Variants in CPNE4 observed in about 807,000 individuals in gnomAD.
CPNE4 encodes the protein copine-4.
CPNE4 carries 25 observed loss-of-function variants against 67.9 expected under a neutral mutation model. The observed-to-expected ratio is 0.37, with a 90% CI of 0.27 to 0.51. CPNE4 has a LOEUF of 0.51. Among genes scored for constraint, CPNE4 ranks in the 20% least tolerant of loss-of-function variants. The pLI is 0.93. For synonymous variants in CPNE4, 242 were observed against 244.9 expected, an observed-to-expected ratio of 0.99 and a Z score of 0.11; for missense variants, 464 against 690.8, an observed-to-expected ratio of 0.67 and a Z score of 3.68.
chr3:131,974,637 C>T (rs1158779292), intron 1 of CPNE4, among the ~76,000 whole-genome samples: 2 of 152,148 alleles, frequency 1.3e-5, no homozygotes, highest in African/African-American at 4.8e-5. Context: ...TCCCTGCCTC[C>T]CATACTCTGT....
At chr3:131,898,400 G>A (rs774138210) in intron 2 of CPNE4, among the ~76,000 whole-genome samples, 21 of 152,178 alleles carry the variant, frequency 1.4e-4, no homozygotes, top group Non-Finnish European at 2.9e-4. Context: ...ATGGGAGTAA[G>A]GCTAATGTCA....
chr3:131,565,996 T>C (rs2107667805), intron 10 of CPNE4, among the ~76,000 whole-genome samples: 1 of 152,076 alleles, frequency 6.6e-6, no homozygotes, highest in African/African-American at 2.4e-5. Flanking sequence ...ATGATATTAC[T>C]CCATTTTCAT....
intron 5 of CPNE4, among the ~76,000 whole-genome samples, chr3:131,691,091 T>C (rs1441483914): frequency 2.6e-5 from 4 of 152,140 alleles, no homozygotes; most frequent in African/African-American, 9.7e-5. Flanking sequence ...AGGAAACACT[T>C]ATATACTGTT....
At chr3:131,891,919 C>T (rs886701366) in intron 2 of CPNE4, among the ~76,000 whole-genome samples, 2 of 152,016 alleles carry the variant, frequency 1.3e-5, no homozygotes, top group Non-Finnish European at 2.9e-5. Flanking sequence ...CAAAAACAAC[C>T]AATAAACAAC....
At chr3:131,619,859 G>A (rs1381333890) in intron 7 of CPNE4, among the ~76,000 whole-genome samples, 1 of 152,144 alleles carries the variant, frequency 6.6e-6, no homozygotes, top group Non-Finnish European at 1.5e-5. Context: ...GTGTCACACT[G>A]CCTTGAGAAA....
chr3:131,808,024 T>C (rs923242158), intron 2 of CPNE4, among the ~76,000 whole-genome samples: 3 of 152,144 alleles, frequency 2.0e-5, no homozygotes, highest in Non-Finnish European at 4.4e-5. Context: ...AAGCCAGTGT[T>C]GAACTGAAAG....
chr3:131,982,656 A>G (rs1484117772), intron 1 of CPNE4, among the ~76,000 whole-genome samples: 1 of 152,110 alleles, frequency 6.6e-6, no homozygotes, highest in Non-Finnish European at 1.5e-5. Context: ...TACTTGCATG[A>G]ATTTTTTTGT....
chr3:131,895,764 C>A (rs549497669), intron 2 of CPNE4, among the ~76,000 whole-genome samples: 2 of 152,046 alleles, frequency 1.3e-5, no homozygotes, highest in Admixed American at 1.3e-4. Flanking sequence ...AATTGCAGTA[C>A]CTCTGAAGTA....
chr3:131,741,189 C>T (rs2082349331), intron 2 of CPNE4, among the ~76,000 whole-genome samples: 1 of 152,024 alleles, frequency 6.6e-6, no homozygotes, highest in Non-Finnish European at 1.5e-5. Flanking sequence ...TTTATCCCGG[C>T]ATAATGTAAA....
At chr3:131,769,717 G>A (rs1463020827) in intron 2 of CPNE4, among the ~76,000 whole-genome samples, 1 of 152,012 alleles carries the variant, frequency 6.6e-6, no homozygotes, top group African/African-American at 2.4e-5. Context: ...CAGTTTTGCT[G>A]GTCTTAAAAT....
intron 2 of CPNE4, among the ~76,000 whole-genome samples, chr3:131,832,140 A>G (rs1421609345): frequency 6.6e-6 from 1 of 152,202 alleles, no homozygotes; most frequent in Non-Finnish European, 1.5e-5. Flanking sequence ...TTAAAATGTC[A>G]TTATAGCTTT....
At chr3:131,574,190 G>A (rs115664581) in intron 10 of CPNE4, among the ~76,000 whole-genome samples, 2,322 of 152,190 alleles carry the variant, frequency 0.015, 64 homozygotes, top group African/African-American at 0.051. Context: ...GCTGAGCTTC[G>A]TTAGTACATT....
chr3:132,020,535 T>C (rs571591785), intron 1 of CPNE4, among the ~76,000 whole-genome samples: 5 of 152,198 alleles, frequency 3.3e-5, no homozygotes, highest in Non-Finnish European at 5.9e-5. Flanking sequence ...ATGCTTTGAA[T>C]TGGGAGTCAG....
At chr3:131,819,041 A>G (rs940304383) in intron 2 of CPNE4, among the ~76,000 whole-genome samples, 1 of 152,212 alleles carries the variant, frequency 6.6e-6, no homozygotes, top group South Asian at 2.1e-4. Context: ...TGGAGGTTGC[A>G]GTGAGCGAAG....
intron 1 of CPNE4, among the ~76,000 whole-genome samples, chr3:131,981,886 A>T (rs552813290): frequency 3.2e-4 from 49 of 152,260 alleles, no homozygotes; most frequent in African/African-American, 1.0e-3. Context: ...TTGGGAGAGG[A>T]GGGTCTCCCT....
At chr3:131,672,159 T>C (rs553037482) in intron 6 of CPNE4, among the ~76,000 whole-genome samples, 1 of 152,306 alleles carries the variant, frequency 6.6e-6, no homozygotes, top group African/African-American at 2.4e-5. Context: ...AGAATTTTAT[T>C]TGTACTTTTT....
chr3:131,631,904 C>CA (rs1337214889), intron 7 of CPNE4, among the ~76,000 whole-genome samples: 7 of 146,130 alleles, frequency 4.8e-5, no homozygotes, highest in Non-Finnish European at 7.5e-5. Context: ...TTTCTTTTTT[C>CA]TTTTTTTTTG....
At chr3:131,678,693 T>C (rs1037553102) in intron 6 of CPNE4, among the ~76,000 whole-genome samples, 2 of 152,190 alleles carry the variant, frequency 1.3e-5, no homozygotes, top group Non-Finnish European at 2.9e-5. Context: ...ATTGAGGTAA[T>C]CTTGTGGTTT....
At chr3:131,995,055 A>G (rs754930272) in intron 1 of CPNE4, among the ~76,000 whole-genome samples, 7 of 152,076 alleles carry the variant, frequency 4.6e-5, no homozygotes, top group Admixed American at 6.5e-5. Context: ...GGATCTTGCT[A>G]TATTGCCCAG....
Sources: gnomAD v4.1 joint callset for allele counts (sites outside exome capture counted in the v4.1 genomes callset) on GRCh38, gnomAD v4.1.1 for gene constraint, MANE v1.5 for transcripts, NCBI Gene and HGNC (gene_info 2026-07-23, HGNC 2026-07-21) for gene names.